PKNOX1: variants seen among roughly 807,000 people sequenced by gnomAD.
PKNOX1 encodes the protein homeobox protein PKNOX1.
Under a neutral mutation model 51.9 loss-of-function variants are expected in PKNOX1, and 15 were observed. The observed-to-expected ratio is 0.29, with a 90% CI of 0.19 to 0.45. The LOEUF (loss-of-function observed/expected upper bound fraction) is 0.45, where lower values mean the gene tolerates loss of function less well. Among genes scored for constraint, PKNOX1 ranks in the 20% least tolerant of loss-of-function variants. The pLI is 1.00. For synonymous variants in PKNOX1, 219 were observed against 211.1 expected, an observed-to-expected ratio of 1.04 and a Z score of -0.32; for missense variants, 462 against 547.5, an observed-to-expected ratio of 0.84 and a Z score of 1.56.
chr21:42,977,141 T>C (rs1159997101), intron 1 of PKNOX1, among the ~76,000 whole-genome samples: 1 of 152,214 alleles, frequency 6.6e-6, no homozygotes, highest in Non-Finnish European at 1.5e-5. Context: ...TATTCAGTAA[T>C]GTGTTATTCC....
chr21:42,993,863 G>T (rs1978357747), intron 1 of PKNOX1, among the ~76,000 whole-genome samples: 1 of 151,340 alleles, frequency 6.6e-6, no homozygotes, highest in African/African-American at 2.4e-5. Context: ...CTCCGGAGTA[G>T]CTGGGATTAC....
chr21:43,029,281 TC>T (rs35131872), intron 10 of PKNOX1, among the ~76,000 whole-genome samples: 1 of 152,132 alleles, frequency 6.6e-6, no homozygotes, highest in Non-Finnish European at 1.5e-5. Flanking sequence ...TTTTGCTTGT[TC>T]CCTGTGGCCT....
chr21:43,006,307 G>A (rs887429938), intron 2 of PKNOX1, among the ~76,000 whole-genome samples: 4 of 151,998 alleles, frequency 2.6e-5, no homozygotes, highest in Admixed American at 2.6e-4. Flanking sequence ...TGTATTTTTA[G>A]TAGAGACAGG....
chr21:43,019,979 C>T (rs375989522), intron 7 of PKNOX1, among the ~76,000 whole-genome samples: 2 of 133,960 alleles, frequency 1.5e-5, no homozygotes, highest in East Asian at 4.4e-4. Flanking sequence ...GTTACCCAGG[C>T]TGGAGTATAG....
At chr21:42,975,958 C>G (rs2146212622) in intron 1 of PKNOX1, among the ~76,000 whole-genome samples, 1 of 152,276 alleles carries the variant, frequency 6.6e-6, no homozygotes, top group South Asian at 2.1e-4. Flanking sequence ...AAATGTGAAC[C>G]TCTGCCAGTA....
intron 1 of PKNOX1, among the ~76,000 whole-genome samples, chr21:42,981,608 G>A (rs2059026305): frequency 6.6e-6 from 1 of 152,016 alleles, no homozygotes; most frequent in Admixed American, 6.6e-5. Context: ...CACCCAGGCT[G>A]GAGTGCAGTG....
intron 1 of PKNOX1, among the ~76,000 whole-genome samples, chr21:42,988,935 C>T (rs1301130226): frequency 1.4e-5 from 2 of 142,596 alleles, no homozygotes; most frequent in Non-Finnish European, 3.0e-5. Context: ...TTTGGCTTCT[C>T]AGGCTGGGGA....
intron 1 of PKNOX1, among the ~76,000 whole-genome samples, chr21:42,983,865 C>G (rs1027864258): frequency 6.6e-6 from 1 of 152,066 alleles, no homozygotes; most frequent in African/African-American, 2.4e-5. Flanking sequence ...CACTTATTTT[C>G]TTATGTGTTG....
chr21:43,004,853 C>T (rs1004930355), intron 2 of PKNOX1, among the ~76,000 whole-genome samples: 13 of 152,150 alleles, frequency 8.5e-5, no homozygotes, highest in Admixed American at 1.3e-4. Context: ...GGGGCTGTCC[C>T]AGTAATGAAT....
intron 6 of PKNOX1, 165 bp from the exon 7 acceptor site, chr21:43,017,968 G>C (rs1015391132): frequency 1.6e-5 from 9 of 567,092 alleles, no homozygotes; most frequent in Non-Finnish European, 2.8e-5. Flanking sequence ...CCAGCACTTT[G>C]GGAGGCCAAG....
At chr21:43,009,903 G>A (rs1358618505) in intron 3 of PKNOX1, 150 bp from the exon 4 acceptor site, 7 of 453,106 alleles carry the variant, frequency 1.5e-5, no homozygotes, top group Admixed American at 4.1e-5. Flanking sequence ...TGTAAAAACC[G>A]TTGAATTGCA....
At chr21:43,017,160 G>A (rs1979532534) in intron 6 of PKNOX1, 153 bp downstream of exon 6, 1 of 462,768 alleles carries the variant, frequency 2.2e-6, no homozygotes, top group Non-Finnish European at 3.9e-6. Context: ...CCTCTTTCTT[G>A]TTAATACTCA....
chr21:43,028,310 C>A (rs1980071141), intron 9 of PKNOX1, among the ~76,000 whole-genome samples: 1 of 152,190 alleles, frequency 6.6e-6, no homozygotes, highest in Non-Finnish European at 1.5e-5. Context: ...TCGTCTCAGG[C>A]ATGATGGCAC....
chr21:43,004,114 G>T (rs781628444), intron 1 of PKNOX1: 2 of 315,742 alleles, frequency 6.3e-6, no homozygotes, highest in Non-Finnish European at 1.2e-5. Flanking sequence ...GCACATGACT[G>T]TAATCCCAGC....
intron 3 of PKNOX1, among the ~76,000 whole-genome samples, chr21:43,007,968 G>A (rs1979070066): frequency 6.6e-6 from 1 of 151,798 alleles, no homozygotes; most frequent in Non-Finnish European, 1.5e-5. Flanking sequence ...GGAGGCTGAG[G>A]CAGGAGAATC....
At chr21:42,994,918 C>CTTTTTTTTTTTTTTTTTTTTTTTTT (rs11361350) in intron 1 of PKNOX1, among the ~76,000 whole-genome samples, 2 of 113,598 alleles carry the variant, frequency 1.8e-5, no homozygotes, top group Admixed American at 1.0e-4. Context: ...TTTCTTTCTT[C>CTTTTTTTTTTTTTTTTTTTTTTTTT]TTTTTTTTTT....
intron 4 of PKNOX1, among the ~76,000 whole-genome samples, chr21:43,011,528 C>G (rs1212749642): frequency 6.6e-6 from 1 of 152,182 alleles, no homozygotes; most frequent in African/African-American, 2.4e-5. Context: ...GGCACCTGTA[C>G]AGCACTGTCA....
At chr21:43,009,610 CAAAAAAAAAAA>C (rs1202062070) in intron 3 of PKNOX1, among the ~76,000 whole-genome samples, 6 of 76,154 alleles carry the variant, frequency 7.9e-5, no homozygotes, top group East Asian at 4.0e-4. Context: ...GACTCCATCT[CAAAAAAAAAAA>C]AAAAAAAAAG....
At chr21:43,008,045 C>T (rs375534795) in intron 3 of PKNOX1, among the ~76,000 whole-genome samples, 13 of 114,746 alleles carry the variant, frequency 1.1e-4, no homozygotes, top group South Asian at 8.8e-4. Context: ...GCCTGGGCAA[C>T]GAGAGCAAAA....
Sources: allele counts gnomAD v4.1 joint callset (sites outside exome capture counted in the v4.1 genomes callset), GRCh38; gene constraint gnomAD v4.1.1; transcripts MANE v1.5; gene names NCBI Gene and HGNC (gene_info 2026-07-23, HGNC 2026-07-21).